Variants in CASK observed in about 807,000 individuals in gnomAD.
CASK encodes peripheral plasma membrane protein CASK.
CASK carries 4 observed loss-of-function variants against 82.9 expected under a neutral mutation model. That is an observed-to-expected ratio of 0.05 (90% CI 0.02 to 0.11). The LOEUF is 0.11. Ranked by LOEUF, CASK falls within the 10% of genes least tolerant of loss-of-function variation. The pLI, the probability that CASK is intolerant of heterozygous loss-of-function variation, is 1.00. For missense variants in CASK, 358 were observed against 720.9 expected (o/e 0.50, Z 5.76); for synonymous variants, 259 against 253.5 (o/e 1.02, Z -0.20).
At chrX:41,841,532 G>A (rs958534586) in intron 2 of CASK, among the ~76,000 whole-genome samples, 1 of 95,017 alleles carries the variant, frequency 1.1e-5, no homozygotes, top group Non-Finnish European at 2.1e-5. Flanking sequence ...TTTTTTGGGT[G>A]GGGGGGACAG....
chrX:41,881,349 G>C (rs2071950910), intron 1 of CASK, among the ~76,000 whole-genome samples: 1 of 111,581 alleles, frequency 9.0e-6, no homozygotes, highest in Admixed American at 9.5e-5. Context: ...TCACTCCCTT[G>C]ATTCTTACTC....
chrX:41,912,604 G>C (rs753777622), intron 1 of CASK, among the ~76,000 whole-genome samples: 1 of 106,367 alleles, frequency 9.4e-6, no homozygotes, highest in African/African-American at 3.4e-5. Flanking sequence ...CACTGCACCC[G>C]GCCTGGACAG....
At chrX:41,726,668 AATC>A (rs754823968) in intron 5 of CASK, 165 of 125,791 alleles carry the variant, frequency 1.3e-3, no homozygotes, top group Non-Finnish European at 2.3e-3. Context: ...AGGAAAAATC[AATC>A]ATCACTTACA....
intron 1 of CASK, among the ~76,000 whole-genome samples, chrX:41,902,924 A>C (rs1290625340): frequency 8.9e-6 from 1 of 112,261 alleles, no homozygotes; most frequent in African/African-American, 3.2e-5. Flanking sequence ...GAGGCAAAGA[A>C]AGGCAAAGTT....
At chrX:41,869,080 C>T (rs763936206) in intron 1 of CASK, among the ~76,000 whole-genome samples, 5 of 111,433 alleles carry the variant, frequency 4.5e-5, no homozygotes, top group Non-Finnish European at 9.4e-5. Context: ...TTAAATTTTG[C>T]CAGTTGATGA....
intron 12 of CASK, among the ~76,000 whole-genome samples, chrX:41,600,914 C>A (rs187058414): frequency 8.1e-5 from 9 of 111,701 alleles, no homozygotes; most frequent in African/African-American, 2.9e-4. Context: ...TATTATTCAG[C>A]CTTAAAAAGG....
At chrX:41,578,560 A>T in intron 14 of CASK, 32 bp from the exon 15 acceptor site, 1 of 982,696 alleles carries the variant, frequency 1.0e-6, no homozygotes, top group Non-Finnish European at 1.4e-6. Context: ...AATTATTAAT[A>T]ACATTACTAT....
In CASK at chrX:41,517,902, T is replaced by C. The variant is rs1602199101; in HGVS notation, c.*2518A>G. On this transcript the variant is annotated 3_prime_UTR_variant, in exon 27 of 27. Coordinates refer to ENST00000378163, the MANE Select transcript of CASK (RefSeq NM_001367721.1). ...AAGACACTGCTTTAGAGAAGACATG[T>C]ATTAGTGGAATGGAACAGGTAACAT... The C allele has an allele frequency of 3.9e-6, 2 of 507,634 alleles. No individual in the cohort carries two copies. The highest frequency in any genetic ancestry group is 2.8e-5 in the Admixed American group (1 of 35,588). The allele number at this position is 507,634 out of a possible 1,213,427, so 41.8% of individuals were successfully genotyped here. A position where few individuals can be genotyped will look rare whatever the true frequency, so the allele number is the denominator to read the frequency against.
intron 2 of CASK, among the ~76,000 whole-genome samples, chrX:41,811,173 C>T (rs1245037431): frequency 1.6e-4 from 18 of 111,345 alleles, no homozygotes; most frequent in African/African-American, 5.5e-4. Flanking sequence ...GACAGATAAA[C>T]GAGACAGAAA....
At chrX:41,755,664 T>C (rs2068880702) in intron 3 of CASK, among the ~76,000 whole-genome samples, 1 of 111,792 alleles carries the variant, frequency 8.9e-6, no homozygotes, top group African/African-American at 3.2e-5. Context: ...ATAAAATGTA[T>C]GAGAATAGAA....
chrX:41,862,905 G>GA (rs1226043789), intron 1 of CASK, among the ~76,000 whole-genome samples: 1 of 111,936 alleles, frequency 8.9e-6, no homozygotes, highest in African/African-American at 3.3e-5. Flanking sequence ...AATTACAAGA[G>GA]AAAGAACTGA....
intron 5 of CASK, chrX:41,696,169 G>T (rs764525670): frequency 8.3e-7 from 1 of 1,204,471 alleles, no homozygotes. Context: ...TGTATAGTAT[G>T]GATGCTTGCT....
At chrX:41,584,810 G>C (rs1477791137) in intron 14 of CASK, 1 of 111,926 alleles carries the variant, frequency 8.9e-6, no homozygotes, top group Non-Finnish European at 1.9e-5. Flanking sequence ...TTATAATCTG[G>C]GGAAACACAG....
intron 5 of CASK, among the ~76,000 whole-genome samples, chrX:41,717,335 A>G (rs1266110646): frequency 8.9e-6 from 1 of 112,265 alleles, no homozygotes; most frequent in African/African-American, 3.2e-5. Flanking sequence ...TCTTTGTGGC[A>G]CCGAAAATTT....
At chrX:41,854,864 A>C (rs1030995960) in intron 1 of CASK, among the ~76,000 whole-genome samples, 3 of 112,491 alleles carry the variant, frequency 2.7e-5, no homozygotes, top group African/African-American at 9.7e-5. Context: ...CAATATTACA[A>C]ACTGAGGGAC....
At chrX:41,686,193 G>A (rs909354523) in intron 5 of CASK, among the ~76,000 whole-genome samples, 4 of 110,473 alleles carry the variant, frequency 3.6e-5, no homozygotes, top group Non-Finnish European at 7.6e-5. Context: ...GGGTTCAAGC[G>A]ATTCTCCTGC....
intron 1 of CASK, among the ~76,000 whole-genome samples, chrX:41,902,234 A>G (rs764315993): frequency 1.8e-5 from 2 of 112,399 alleles, no homozygotes; most frequent in East Asian, 5.6e-4. Context: ...TACTGTTGTA[A>G]TAAACTACCA....
chrX:41,628,805 T>C (rs942768746), intron 9 of CASK, among the ~76,000 whole-genome samples: 1 of 112,149 alleles, frequency 8.9e-6, no homozygotes, highest in Non-Finnish European at 1.9e-5. Context: ...GTTCTTCTTT[T>C]TATAAAAACT....
chrX:41,810,388 A>G (rs966183853), intron 2 of CASK, among the ~76,000 whole-genome samples: 1 of 112,616 alleles, frequency 8.9e-6, no homozygotes, highest in South Asian at 3.7e-4. Context: ...CAGATCTCTC[A>G]GCAGAAACTC....
Sources: allele counts gnomAD v4.1 joint callset (sites outside exome capture counted in the v4.1 genomes callset), GRCh38; gene constraint gnomAD v4.1.1; transcripts MANE v1.5; gene names NCBI Gene and HGNC (gene_info 2026-07-23, HGNC 2026-07-21).